Variants in TP63 observed in about 807,000 individuals in gnomAD.
The protein encoded by TP63 is tumor protein 63.
TP63 carries 17 observed loss-of-function variants against 82.8 expected under a neutral mutation model. The observed-to-expected ratio is 0.21, with a 90% CI of 0.14 to 0.31. The LOEUF (loss-of-function observed/expected upper bound fraction) is 0.31. Ranked by LOEUF, TP63 falls within the 10% of genes least tolerant of loss-of-function variation. The pLI, the probability that TP63 is intolerant of heterozygous loss-of-function variation, is 1.00. For synonymous variants in TP63, 330 were observed against 321.7 expected (o/e 1.03, Z -0.28); for missense variants, 648 against 895.3 (o/e 0.72, Z 3.52).
At chr3:189,720,212 A>G (rs1421918943) in intron 1 of TP63, among the ~76,000 whole-genome samples, 1 of 152,202 alleles carries the variant, frequency 6.6e-6, no homozygotes, top group East Asian at 1.9e-4. Context: ...TTCTCCCTCC[A>G]TCATTCTCAG....
intron 10 of TP63, chr3:189,881,518 GTC>G: frequency 1.0e-6 from 1 of 985,098 alleles, no homozygotes; most frequent in African/African-American, 1.7e-5. Context: ...TTTTGTTTCT[GTC>G]TCTCTCACTT....
At chr3:189,668,967 T>G (rs1265128521) in intron 1 of TP63, among the ~76,000 whole-genome samples, 1 of 150,714 alleles carries the variant, frequency 6.6e-6, no homozygotes, top group African/African-American at 2.4e-5. Flanking sequence ...ACAAAGAAAG[T>G]CACACCTAGG....
chr3:189,770,145 A>C (rs77001531), intron 3 of TP63, among the ~76,000 whole-genome samples: 1 of 152,224 alleles, frequency 6.6e-6, no homozygotes, highest in Non-Finnish European at 1.5e-5. Flanking sequence ...AAGTGGTACA[A>C]TCTGAATCTT....
chr3:189,817,996 C>T (rs1728380577), intron 4 of TP63, among the ~76,000 whole-genome samples: 1 of 151,430 alleles, frequency 6.6e-6, no homozygotes, highest in Non-Finnish European at 1.5e-5. Context: ...TATATTACTC[C>T]AATTGAATAA....
At chr3:189,836,977 C>T (rs1198268644) in intron 4 of TP63, among the ~76,000 whole-genome samples, 1 of 152,230 alleles carries the variant, frequency 6.6e-6, no homozygotes, top group Non-Finnish European at 1.5e-5. Flanking sequence ...GTTATTCTCA[C>T]TTCTCACATG....
chr3:189,879,963 A>G (rs1478209557), intron 10 of TP63: 9 of 1,448,168 alleles, frequency 6.2e-6, no homozygotes, highest in Middle Eastern at 1.9e-4. Context: ...TGTCTATACT[A>G]TGATCATGAA....
chr3:189,684,429 G>A (rs1364751664), intron 1 of TP63, among the ~76,000 whole-genome samples: 1 of 152,098 alleles, frequency 6.6e-6, no homozygotes, highest in Non-Finnish European at 1.5e-5. Flanking sequence ...ATAACAGAGG[G>A]AATTTCAGAA....
intron 3 of TP63, among the ~76,000 whole-genome samples, chr3:189,772,687 G>A (rs1723465847): frequency 6.6e-6 from 1 of 152,132 alleles, no homozygotes; most frequent in South Asian, 2.1e-4. Context: ...TGCTGTAAGA[G>A]CATGCCAAGC....
In TP63 at chr3:189,777,184, TA is replaced by T. The variant is rs143217165; in HGVS notation, c.325-31087del. 9.7e-3 allele frequency among the ~76,000 whole-genome samples: 1,471 copies of T among 152,188 alleles called. 33 individuals are homozygous for T. Among genetic ancestry groups the T allele is most frequent in the African/African-American group, 0.034 (1,421 of 41,520 alleles). On this transcript the variant is annotated intron_variant, in intron 3 of 13. Coordinates refer to ENST00000264731, the MANE Select transcript of TP63 (RefSeq NM_003722.5). Reference sequence around the variant, plus strand: ...TCCAGGCTCACCTAACTCACCCTGTTATTTTTTTATGTTTATTTTTATTTTA... The same window carrying T: ...TCCAGGCTCACCTAACTCACCCTGTTTTTTTTTATGTTTATTTTTATTTTA...
chr3:189,728,175 A>C (rs939180668), intron 1 of TP63, among the ~76,000 whole-genome samples: 1 of 50,616 alleles, frequency 2.0e-5, no homozygotes, highest in East Asian at 6.8e-4. Context: ...TCGTTTATAA[A>C]AAAAAAAAAA....
At chr3:189,859,505 A>G (rs950140990) in intron 4 of TP63, among the ~76,000 whole-genome samples, 5 of 152,214 alleles carry the variant, frequency 3.3e-5, no homozygotes, top group Admixed American at 6.5e-5. Flanking sequence ...TTAAACCACA[A>G]TGAGATCTGC....
intron 1 of TP63, among the ~76,000 whole-genome samples, chr3:189,633,839 C>T (rs528190713): frequency 2.0e-5 from 3 of 152,256 alleles, no homozygotes; most frequent in African/African-American, 7.2e-5. Context: ...CTGCGGAAGA[C>T]ATTGCAAATA....
At chr3:189,809,631 TTTTTTCCCTC>T (rs1727311330) in intron 4 of TP63, among the ~76,000 whole-genome samples, 1 of 152,210 alleles carries the variant, frequency 6.6e-6, no homozygotes, top group Admixed American at 6.5e-5. Context: ...GTTTTGACAG[TTTTTTCCCTC>T]TTTGACAAAT....
At chr3:189,812,492 T>A (rs1393718671) in intron 4 of TP63, among the ~76,000 whole-genome samples, 1 of 152,218 alleles carries the variant, frequency 6.6e-6, no homozygotes, top group East Asian at 1.9e-4. Context: ...AGCATTGTAG[T>A]TGGGAATCGT....
chr3:189,701,904 T>G (rs1717841577), intron 1 of TP63, among the ~76,000 whole-genome samples: 1 of 152,204 alleles, frequency 6.6e-6, no homozygotes, highest in African/African-American at 2.4e-5. Flanking sequence ...TAATCTTTTC[T>G]TTCTTTTTCT....
intron 3 of TP63, among the ~76,000 whole-genome samples, chr3:189,746,140 T>C (rs78957269): frequency 0.03 from 4,613 of 151,932 alleles, 187 homozygotes; most frequent in East Asian, 0.15. Flanking sequence ...GGCAAAGAAT[T>C]CTAAAAGCAG....
At chr3:189,822,679 G>T (rs537448107) in intron 4 of TP63, among the ~76,000 whole-genome samples, 2 of 152,288 alleles carry the variant, frequency 1.3e-5, no homozygotes, top group Non-Finnish European at 2.9e-5. Flanking sequence ...AAGTTAAAGT[G>T]CCCTGGGAAA....
intron 4 of TP63, among the ~76,000 whole-genome samples, chr3:189,827,308 T>C (rs550935533): frequency 4.7e-4 from 72 of 152,274 alleles, no homozygotes; most frequent in Non-Finnish European, 4.3e-4. Flanking sequence ...TTAAAACTCA[T>C]TGGAAGCATT....
At chr3:189,814,887 G>A (rs774894773) in intron 4 of TP63, among the ~76,000 whole-genome samples, 46 of 152,258 alleles carry the variant, frequency 3.0e-4, no homozygotes, top group African/African-American at 1.1e-3. Flanking sequence ...TCACTGCACC[G>A]TGGAGTGTCT....
Sources: allele counts gnomAD v4.1 joint callset (sites outside exome capture counted in the v4.1 genomes callset), GRCh38; gene constraint gnomAD v4.1.1; transcripts MANE v1.5; gene names NCBI Gene and HGNC (gene_info 2026-07-23, HGNC 2026-07-21).